PHLPP2: variants seen among roughly 807,000 people sequenced by gnomAD.
PHLPP2 encodes the protein PH domain leucine-rich repeat-containing protein phosphatase 2.
A neutral mutation model predicts 124.9 loss-of-function variants in PHLPP2; 66 were observed. That is an observed-to-expected ratio of 0.53 (90% CI 0.43 to 0.65). The LOEUF is 0.65. Among genes scored for constraint, PHLPP2 ranks in the 30% least tolerant of loss-of-function variants. The pLI, the probability that PHLPP2 is intolerant of heterozygous loss-of-function variation, is 0.00. For missense variants in PHLPP2, 1,685 were observed against 1,600.4 expected, an observed-to-expected ratio of 1.05 and a Z score of -0.90; for synonymous variants, 681 against 624.7, an observed-to-expected ratio of 1.09 and a Z score of -1.34.
intron 2 of PHLPP2, among the ~76,000 whole-genome samples, chr16:71,713,534 A>C (rs2045337285): frequency 6.6e-6 from 1 of 152,162 alleles, no homozygotes. Context: ...TCACTGCAGC[A>C]CTTCTTGTAG....
chr16:71,671,959 G>T (rs141939448), intron 10 of PHLPP2, among the ~76,000 whole-genome samples: 1 of 152,220 alleles, frequency 6.6e-6, no homozygotes, highest in Non-Finnish European at 1.5e-5. Flanking sequence ...AGAATTATCT[G>T]ATTCCAACTG....
At chr16:71,720,960 G>A (rs1352802761) in intron 1 of PHLPP2, among the ~76,000 whole-genome samples, 1 of 152,106 alleles carries the variant, frequency 6.6e-6, no homozygotes, top group African/African-American at 2.4e-5. Context: ...CTCATATCTG[G>A]GAATACACAC....
chr16:71,677,742 G>A (rs1358098964), intron 8 of PHLPP2: 1 of 151,276 alleles, frequency 6.6e-6, no homozygotes, highest in Non-Finnish European at 1.5e-5. Context: ...AAAATATTAT[G>A]ACTAGAAAAT....
chr16:71,681,773 C>T lies in PHLPP2; in HGVS notation c.868G>A (p.Gly290Arg), dbSNP rs748906703. 5 of 1,613,272 alleles carry T rather than the reference C, an allele frequency of 3.1e-6. No homozygotes were observed. Among genetic ancestry groups the T allele is most frequent in the South Asian group, 1.1e-5 (1 of 90,930 alleles). The change falls in exon 6 of 19, where the codon GGA becomes AGA. Residue 290 changes from glycine to arginine, a missense_variant. Coordinates refer to ENST00000568954, the MANE Select transcript of PHLPP2 (RefSeq NM_015020.3). ...RHNFMQLERP[G>R]GLDTLYKFSQ... ...TACTTGTAGAGTGTATCGAGGCCTCCGGGTCTTTCTAACTGCATGAAGTTG... is the reference window on the plus strand; with the variant it reads ...TACTTGTAGAGTGTATCGAGGCCTCTGGGTCTTTCTAACTGCATGAAGTTG...
chr16:71,677,451 CACATATATATATATAT>C (rs1487633892), intron 8 of PHLPP2: 5 of 89,904 alleles, frequency 5.6e-5, no homozygotes, highest in Admixed American at 3.0e-4. Context: ...AAATAATCTG[CACATATATATATATAT>C]ATATATATAT....
At chr16:71,653,152 T>C in intron 17 of PHLPP2, 131 bp from the exon 18 acceptor site, 1 of 618,852 alleles carries the variant, frequency 1.6e-6, no homozygotes, top group South Asian at 2.0e-5. Context: ...CTTACCCTTA[T>C]CCACCTAAAT....
intron 4 of PHLPP2, among the ~76,000 whole-genome samples, chr16:71,688,646 T>G (rs1309006747): frequency 7.1e-6 from 1 of 141,574 alleles, no homozygotes; most frequent in Non-Finnish European, 1.5e-5. Context: ...GAGAGGGAGT[T>G]TACATTTCAG....
intron 1 of PHLPP2, among the ~76,000 whole-genome samples, chr16:71,715,867 G>A (rs1377852381): frequency 4.7e-5 from 7 of 148,434 alleles, no homozygotes; most frequent in Admixed American, 1.3e-4. Flanking sequence ...GTGGTGGCAC[G>A]TGCCTGTAAT....
intron 9 of PHLPP2, among the ~76,000 whole-genome samples, 174 bp from the exon 10 acceptor site, chr16:71,672,496 T>C (rs557036917): frequency 4.9e-4 from 74 of 152,358 alleles, no homozygotes; most frequent in Non-Finnish European, 9.3e-4. Flanking sequence ...GATCCCAATT[T>C]GTCTTGAAAA....
Position 71,646,898 on chromosome 16 carries a change from A to C in PHLPP2, c.*1992T>G, listed in dbSNP as rs2044657166. On this transcript the variant is annotated 3_prime_UTR_variant, in exon 19 of 19. Coordinates refer to ENST00000568954, the MANE Select transcript of PHLPP2 (RefSeq NM_015020.3). ...TCAGATTCTCGAGGGGTTGAACATT[A>C]GACATCCATTAGAGTGTACCAAATC... The C allele has an allele frequency of 6.6e-6, 1 of 152,424 alleles. No individual in the cohort carries two copies. Among genetic ancestry groups the C allele is most frequent in the Admixed American group, 6.5e-5 (1 of 15,268 alleles). The allele number at this position is 152,424 out of a possible 1,614,324, so 9.4% of individuals were successfully genotyped here. A position where few individuals can be genotyped will look rare whatever the true frequency, so the allele number is the denominator to read the frequency against.
In PHLPP2 at chr16:71,723,660, C is replaced by A. The variant is rs768491273; in HGVS notation, c.-7+669G>T. ...GGGCGGGGGCCGCCGACTGCCTCAG[C>A]CACTGCGCGGGGCGGGGGCGGCAGC... On this transcript the variant is annotated intron_variant, in intron 1 of 18. Coordinates refer to ENST00000568954, the MANE Select transcript of PHLPP2 (RefSeq NM_015020.3). 1,492 of 470,940 alleles carry A rather than the reference C, an allele frequency of 3.2e-3. 3 individuals carry two copies. Among genetic ancestry groups the A allele is most frequent in the Non-Finnish European group, 4.1e-3 (1,246 of 300,444 alleles). The allele number at this position is 470,940 out of a possible 1,614,324, so 29.2% of individuals were successfully genotyped here.
intron 1 of PHLPP2, among the ~76,000 whole-genome samples, chr16:71,720,573 T>C (rs554503192): frequency 4.0e-4 from 61 of 152,142 alleles, no homozygotes; most frequent in Non-Finnish European, 8.4e-4. Context: ...TCTGCAAGAA[T>C]GTGAAATACG....
Position 71,667,291 on chromosome 16 carries a change from G to A in PHLPP2, c.1671C>T (p.His557=). 1 of 1,613,336 alleles carries A rather than the reference G, an allele frequency of 6.2e-7. No homozygotes were observed. The highest frequency in any genetic ancestry group is 1.7e-5 in the Admixed American group (1 of 59,940). ...GTGTTGGAAGGTTTTGCACATGATT[G>A]TGTCCCAGCATCAGTTTTCTAAGAC... ...SLSLRKLMLG[H]NHVQNLPTLV... is the part of the protein sequence containing the mutation. The change falls in exon 12 of 19, where the codon CAC becomes CAT. Residue 557 remains histidine (H), a synonymous_variant. Transcript: ENST00000568954.
At chr16:71,685,741 T>C (rs1023064746) in intron 4 of PHLPP2, among the ~76,000 whole-genome samples, 13 of 152,326 alleles carry the variant, frequency 8.5e-5, no homozygotes, top group African/African-American at 2.6e-4. Flanking sequence ...TTTGGAATGC[T>C]TGACATTGAA....
intron 1 of PHLPP2, among the ~76,000 whole-genome samples, chr16:71,721,483 A>G (rs116827905): frequency 0.1 from 15,748 of 152,232 alleles, 847 homozygotes; most frequent in African/African-American, 0.15. Flanking sequence ...ATGTGCCTAT[A>G]GTCCTAGCTA....
chr16:71,722,025 A>G (rs2045401423), intron 1 of PHLPP2, among the ~76,000 whole-genome samples: 1 of 152,220 alleles, frequency 6.6e-6, no homozygotes, highest in African/African-American at 2.4e-5. Context: ...AAGTTTTGGA[A>G]GGGTCTTCAG....
rs549273811 is a variant in PHLPP2 at position 71,687,945 on chromosome 16, T to G, written c.609+2574A>C. Among the ~76,000 whole-genome samples the G allele has an allele frequency of 3.3e-5, 5 of 152,314 alleles. No individual in the cohort carries two copies. The South Asian group carries it at 1.0e-3, about 32-fold the overall frequency. ...ACATCAGTTAATTACATTCAGCTACTAAACAGTGGCTTAAAAAAAATAGAG... is the reference window on the plus strand; with the variant it reads ...ACATCAGTTAATTACATTCAGCTACGAAACAGTGGCTTAAAAAAAATAGAG... On this transcript the variant is annotated intron_variant, in intron 4 of 18. Coordinates refer to ENST00000568954, the MANE Select transcript of PHLPP2 (RefSeq NM_015020.3).
intron 12 of PHLPP2, among the ~76,000 whole-genome samples, chr16:71,664,982 T>C (rs972303043): frequency 6.6e-6 from 1 of 152,020 alleles, no homozygotes; most frequent in Non-Finnish European, 1.5e-5. Context: ...AGATTTAATA[T>C]ATTGCCAAAC....
rs1436551173 is a variant in PHLPP2, at chr16:71,648,912, T to A, written c.3950A>T (p.Glu1317Val). The A allele has an allele frequency of 6.2e-7, 1 of 1,612,390 alleles. No individual in the cohort carries two copies. The highest frequency in any genetic ancestry group is 1.3e-5 in the African/African-American group (1 of 74,858). ...PHEEDRTEPPEEFDTAL is the reference protein window; with the variant it reads ...PHEEDRTEPPVEFDTAL ...CAGTCATAGTGCTGTGTCGAACTCC[T>A]CCGGGGGCTCGGTCCGATCCTCTTC... is the stretch of plus-strand genomic sequence containing the variant. The change falls in exon 19 of 19, where the codon GAG (glutamate) becomes GTG (valine). Residue 1317 changes from glutamate (E) to valine (V), a missense_variant. Transcript: ENST00000568954.
Sources: allele counts gnomAD v4.1 joint callset (sites outside exome capture counted in the v4.1 genomes callset), GRCh38; gene constraint gnomAD v4.1.1; transcripts MANE v1.5; gene names NCBI Gene and HGNC (gene_info 2026-07-23, HGNC 2026-07-21).